The following SBF2 variants were observed in gnomAD, a reference collection of about 807,000 sequenced individuals.
SBF2 encodes the protein SET binding factor 2.
A neutral mutation model predicts 225.2 loss-of-function variants in SBF2; 112 were observed. The ratio of observed to expected loss-of-function variants is 0.50; its 90% CI spans 0.43 to 0.58. The LOEUF is 0.58. Ranked by LOEUF, SBF2 falls within the 20% of genes least tolerant of loss-of-function variation. The probability of loss-of-function intolerance (pLI) is 0.00; values close to 1 mark genes in which losing one functional copy is unlikely to be tolerated. For synonymous variants in SBF2, 763 were observed against 773.3 expected (o/e 0.99, Z 0.22); for missense variants, 1,996 against 2,206.2 (o/e 0.90, Z 1.91).
At chr11:10,101,659 CTGTGTGTGTGTGTGTGTG>C (rs144213559) in intron 2 of SBF2, among the ~76,000 whole-genome samples, 2 of 148,050 alleles carry the variant, frequency 1.4e-5, no homozygotes, top group African/African-American at 5.0e-5. Context: ...CTCTCTCGCT[CTGTGTGTGTGTGTGTGTG>C]TGTGTGTGTG....
chr11:9,865,360 C>T (rs757704707), intron 17 of SBF2, among the ~76,000 whole-genome samples: 1 of 151,860 alleles, frequency 6.6e-6, no homozygotes, highest in Non-Finnish European at 1.5e-5. Context: ...AATCTTATGA[C>T]CCACTGAGAT....
chr11:9,943,336 C>T (rs772501638), intron 16 of SBF2, among the ~76,000 whole-genome samples: 8 of 152,030 alleles, frequency 5.3e-5, no homozygotes, highest in Non-Finnish European at 1.2e-4. Flanking sequence ...ATTTCTTACA[C>T]AAGACACAAA....
chr11:9,904,005 G>A (rs1861935036), intron 16 of SBF2, among the ~76,000 whole-genome samples: 1 of 152,074 alleles, frequency 6.6e-6, no homozygotes, highest in South Asian at 2.1e-4. Context: ...ATCACTTTTA[G>A]AGAGGCAAAG....
chr11:10,206,800 G>A (rs117179392), intron 1 of SBF2, among the ~76,000 whole-genome samples: 3,159 of 152,022 alleles, frequency 0.021, 88 homozygotes, highest in South Asian at 0.091. Flanking sequence ...TCTGAACAAC[G>A]GAGAGAAAAC....
At position 9,912,584 on chromosome 11, in the gene SBF2, A is replaced by G. The variant is rs1360959960; in HGVS notation, c.1861-16573T>C. Among the ~76,000 whole-genome samples the G allele has an allele frequency of 2.6e-5, 4 of 152,164 alleles. No individual in the cohort carries two copies. The East Asian group carries it at 7.7e-4, about 29-fold the overall frequency. On this transcript the variant is annotated intron_variant, in intron 16 of 39. Transcript: ENST00000256190. ...GCAAACATAGCAAGACTCCGTCTCA[A>G]AAGAAAAAAATTCTAATTTTTAGCT... is the stretch of plus-strand genomic sequence containing the variant.
At chr11:9,795,096 A>T (rs1033902784) in intron 33 of SBF2, among the ~76,000 whole-genome samples, 1 of 152,164 alleles carries the variant, frequency 6.6e-6, no homozygotes, top group Non-Finnish European at 1.5e-5. Flanking sequence ...CTCCCCCGTA[A>T]CAGTTATAAA....
chr11:10,132,093 C>T (rs983774820), intron 2 of SBF2, among the ~76,000 whole-genome samples: 3 of 152,182 alleles, frequency 2.0e-5, no homozygotes, highest in African/African-American at 7.2e-5. Flanking sequence ...TATCCAATTG[C>T]ACTGGCCCCA....
At chr11:9,792,266 A>ACT (rs1852798207) in intron 33 of SBF2, among the ~76,000 whole-genome samples, 1 of 151,960 alleles carries the variant, frequency 6.6e-6, no homozygotes, top group Non-Finnish European at 1.5e-5. Flanking sequence ...CCCCATCTCT[A>ACT]CTAAAGATAC....
intron 16 of SBF2, among the ~76,000 whole-genome samples, chr11:9,903,362 A>T: frequency 6.6e-6 from 1 of 152,146 alleles, no homozygotes; most frequent in East Asian, 1.9e-4. Context: ...CAGAAAAAGA[A>T]AAAAAATAAG....
At chr11:9,863,704 C>T (rs1348252039) in intron 17 of SBF2, among the ~76,000 whole-genome samples, 1 of 151,210 alleles carries the variant, frequency 6.6e-6, no homozygotes, top group Non-Finnish European at 1.5e-5. Context: ...GTATCCAAAA[C>T]CTGGCTTTAT....
intron 2 of SBF2, among the ~76,000 whole-genome samples, chr11:10,086,596 T>G (rs979129396): frequency 6.6e-6 from 1 of 152,206 alleles, no homozygotes; most frequent in Non-Finnish European, 1.5e-5. Flanking sequence ...TCTAATGTCC[T>G]GGAGCCTAGG....
intron 16 of SBF2, 191 bp downstream of exon 16, chr11:9,961,766 A>G (rs1866584625): frequency 1.9e-6 from 1 of 527,800 alleles, no homozygotes; most frequent in Non-Finnish European, 3.3e-6. Flanking sequence ...GAAAACAAAG[A>G]AAGAACAAAA....
Position 9,961,967 on chromosome 11 carries a change from C to T in SBF2, c.1850G>A (p.Cys617Tyr), listed in dbSNP as rs1252330189. The change falls in exon 16 of 40, where the codon TGT becomes TAT. Residue 617 changes from cysteine to tyrosine, a missense_variant. Coordinates refer to ENST00000256190, the MANE Select transcript of SBF2 (RefSeq NM_030962.4). Reference protein sequence around the residue: ...QFDYIIRMMNCTLQDCSSLEE... With the variant: ...QFDYIIRMMNYTLQDCSSLEE... ...AGAACTACAAATTACCTGTAGAGTA[C>T]AATTCATCATCCTTATTATGTAGTC... is the stretch of plus-strand genomic sequence containing the variant. The T allele has an allele frequency of 6.2e-7, 1 of 1,613,494 alleles. No individual in the cohort carries two copies. Among genetic ancestry groups the T allele is most frequent in the Non-Finnish European group, 8.5e-7 (1 of 1,179,556 alleles).
At chr11:10,155,517 T>C (rs1389854022) in intron 2 of SBF2, among the ~76,000 whole-genome samples, 2 of 152,192 alleles carry the variant, frequency 1.3e-5, no homozygotes, top group Admixed American at 1.3e-4. Context: ...CAAACAATAA[T>C]ATTTATGTTT....
intron 3 of SBF2, among the ~76,000 whole-genome samples, chr11:10,035,406 T>A (rs1053990137): frequency 6.6e-6 from 1 of 152,014 alleles, no homozygotes; most frequent in Admixed American, 6.6e-5. Flanking sequence ...AAGCCAAAAT[T>A]GACAAATGGG....
intron 32 of SBF2, among the ~76,000 whole-genome samples, chr11:9,801,867 T>C (rs1231686746): frequency 6.6e-6 from 1 of 152,254 alleles, no homozygotes; most frequent in East Asian, 1.9e-4. Flanking sequence ...TGGGGGCAGC[T>C]TAGCTGCTCA....
At chr11:9,991,991 C>A (rs1947460449) in intron 12 of SBF2, among the ~76,000 whole-genome samples, 1 of 152,086 alleles carries the variant, frequency 6.6e-6, no homozygotes, top group Non-Finnish European at 1.5e-5. Flanking sequence ...AAAAATAAGA[C>A]TTCTATTTAT....
At chr11:9,786,292 G>A (rs1390439057) in intron 36 of SBF2, among the ~76,000 whole-genome samples, 1 of 152,138 alleles carries the variant, frequency 6.6e-6, no homozygotes, top group Non-Finnish European at 1.5e-5. Context: ...AAGTTTGATA[G>A]CATAGTGGTT....
intron 6 of SBF2, among the ~76,000 whole-genome samples, chr11:10,004,184 T>C (rs1462405099): frequency 1.3e-5 from 2 of 152,122 alleles, no homozygotes; most frequent in African/African-American, 2.4e-5. Flanking sequence ...GTTTCTAGAA[T>C]AATGGAAAAA....
Sources: gnomAD v4.1 joint callset for allele counts (sites outside exome capture counted in the v4.1 genomes callset) on GRCh38, gnomAD v4.1.1 for gene constraint, MANE v1.5 for transcripts, NCBI Gene and HGNC (gene_info 2026-07-23, HGNC 2026-07-21) for gene names.